The following CENPW variants were observed in gnomAD, a reference collection of about 807,000 sequenced individuals.
CENPW encodes centromere protein W, also known as cancer-up-regulated gene 2 protein.
In CENPW, 3 loss-of-function variants were observed where a neutral mutation model predicts 11.1. That is an observed-to-expected ratio of 0.27 (90% CI 0.12 to 0.70). The LOEUF is 0.70. Among genes scored for constraint, CENPW ranks in the 30% least tolerant of loss-of-function variants. CENPW has a pLI of 0.77. For missense variants in CENPW, 100 were observed against 105.6 expected (o/e 0.95, Z 0.23); for synonymous variants, 38 against 42.0 (o/e 0.91, Z 0.37).
chr6:126,439,967 T>C, the CENPW span, among the ~76,000 whole-genome samples: 1 of 151,774 alleles, frequency 6.6e-6, no homozygotes, highest in African/African-American at 2.4e-5. Context: ...TTTTTCCATT[T>C]GATTTCTTTA....
the CENPW span, among the ~76,000 whole-genome samples, chr6:126,473,211 A>G: frequency 4.6e-5 from 7 of 152,182 alleles, no homozygotes; most frequent in Non-Finnish European, 1.0e-4. Flanking sequence ...TAAAACATCT[A>G]TAAATGTTCA....
chr6:126,431,979 C>T, the CENPW span, among the ~76,000 whole-genome samples: 17 of 147,642 alleles, frequency 1.2e-4, no homozygotes, highest in African/African-American at 3.5e-4. Flanking sequence ...GCAGGAGAAT[C>T]GCTTGAACCC....
the CENPW span, among the ~76,000 whole-genome samples, chr6:126,388,965 T>A: frequency 1.3e-5 from 2 of 151,890 alleles, no homozygotes; most frequent in Non-Finnish European, 2.9e-5. Context: ...TCAAAGGGTT[T>A]CCATAGATTT....
At chr6:126,340,489 A>G (rs1780282017) in intron 1 of CENPW, 90 bp downstream of exon 1, 4 of 1,592,476 alleles carry the variant, frequency 2.5e-6, no homozygotes, top group South Asian at 2.2e-5. Flanking sequence ...CCCCGAGCCA[A>G]TTTATAGCTC....
At chr6:126,369,284 T>C in the CENPW span, among the ~76,000 whole-genome samples, 2 of 152,212 alleles carry the variant, frequency 1.3e-5, no homozygotes, top group African/African-American at 4.8e-5. Flanking sequence ...ACGACTCCTT[T>C]TCTTCTGGGA....
At chr6:126,409,198 G>T in the CENPW span, among the ~76,000 whole-genome samples, 1 of 152,078 alleles carries the variant, frequency 6.6e-6, no homozygotes, top group East Asian at 1.9e-4. Flanking sequence ...GGTTGTTCAG[G>T]AGCATATTGG....
chr6:126,481,121 A>G, the CENPW span, among the ~76,000 whole-genome samples: 9 of 151,982 alleles, frequency 5.9e-5, no homozygotes, highest in Non-Finnish European at 1.2e-4. Flanking sequence ...GTTCACTACT[A>G]TATTTCTTTC....
At chr6:126,461,115 C>T in the CENPW span, among the ~76,000 whole-genome samples, 2 of 151,832 alleles carry the variant, frequency 1.3e-5, no homozygotes, top group African/African-American at 4.8e-5. Flanking sequence ...ACCCAAATCT[C>T]ATTTTGTAGT....
chr6:126,390,408 A>G, the CENPW span, among the ~76,000 whole-genome samples: 1 of 151,946 alleles, frequency 6.6e-6, no homozygotes, highest in African/African-American at 2.4e-5. Context: ...AATGCACAAT[A>G]ATAACACAAA....
chr6:126,353,984 A>G, the CENPW span, among the ~76,000 whole-genome samples: 4 of 151,828 alleles, frequency 2.6e-5, no homozygotes, highest in Admixed American at 6.6e-5. Flanking sequence ...TGTTTTATCT[A>G]TCTTTTTCTT....
the CENPW span, among the ~76,000 whole-genome samples, chr6:126,405,909 T>A: frequency 1.3e-5 from 2 of 152,034 alleles, no homozygotes; most frequent in African/African-American, 4.8e-5. Context: ...GTCTTTAGAT[T>A]TTTCCATATA....
the CENPW span, among the ~76,000 whole-genome samples, chr6:126,482,282 C>T: frequency 6.6e-6 from 1 of 151,962 alleles, no homozygotes; most frequent in African/African-American, 2.4e-5. Context: ...AAGTGCTTTC[C>T]AGCAAGTACA....
At chr6:126,341,751 G>T (rs908976534) in intron 1 of CENPW, among the ~76,000 whole-genome samples, 3 of 152,182 alleles carry the variant, frequency 2.0e-5, no homozygotes, top group Non-Finnish European at 4.4e-5. Context: ...GCTTCTAAAT[G>T]GAGGGAGAGG....
At chr6:126,343,238 C>G (rs1410301334) in intron 1 of CENPW, among the ~76,000 whole-genome samples, 1 of 152,106 alleles carries the variant, frequency 6.6e-6, no homozygotes, top group Non-Finnish European at 1.5e-5. Context: ...TAGCTAAATA[C>G]CCTAAAACTA....
the CENPW span, among the ~76,000 whole-genome samples, chr6:126,402,337 ATCTT>A: frequency 2.8e-5 from 4 of 144,840 alleles, no homozygotes; most frequent in Non-Finnish European, 6.0e-5. Flanking sequence ...TCCCCTCTCC[ATCTT>A]TCTTCTCCTG....
At chr6:126,417,514 C>A in the CENPW span, among the ~76,000 whole-genome samples, 2 of 152,142 alleles carry the variant, frequency 1.3e-5, no homozygotes, top group African/African-American at 4.8e-5. Flanking sequence ...TAAATTCCCA[C>A]ATGTTGTGGG....
chr6:126,460,954 C>G, the CENPW span, among the ~76,000 whole-genome samples: 4 of 151,862 alleles, frequency 2.6e-5, no homozygotes, highest in African/African-American at 9.7e-5. Flanking sequence ...AAGGCACAGA[C>G]GATATCTATT....
the CENPW span, among the ~76,000 whole-genome samples, chr6:126,475,428 A>T: frequency 6.6e-6 from 1 of 152,098 alleles, no homozygotes; most frequent in Admixed American, 6.6e-5. Flanking sequence ...TTTTAAATAA[A>T]AAATTGTAAA....
the CENPW span, among the ~76,000 whole-genome samples, chr6:126,361,810 G>T: frequency 1.3e-5 from 2 of 152,168 alleles, no homozygotes; most frequent in Non-Finnish European, 2.9e-5. Flanking sequence ...TGTGGAAAGA[G>T]GCATGCCCCA....
Sources: gnomAD v4.1 joint callset for allele counts (sites outside exome capture counted in the v4.1 genomes callset) on GRCh38, gnomAD v4.1.1 for gene constraint, MANE v1.5 for transcripts, NCBI Gene and HGNC (gene_info 2026-07-23, HGNC 2026-07-21) for gene names.